Variants in SMTNL2 observed in about 807,000 individuals in gnomAD.
SMTNL2 encodes smoothelin-like protein 2.
In SMTNL2, 43 loss-of-function variants were observed where a neutral mutation model predicts 44.1. The ratio of observed to expected loss-of-function variants is 0.98; its 90% CI spans 0.76 to 1.26. SMTNL2 has a LOEUF of 1.26. Ranked by LOEUF, SMTNL2 falls within the 50% of genes most tolerant of loss-of-function variation. SMTNL2 has a pLI of 0.00. For synonymous variants in SMTNL2, 317 were observed against 287.6 expected (o/e 1.10, Z -1.03); for missense variants, 646 against 670.2 (o/e 0.96, Z 0.40).
At position 4,598,774 on chromosome 17, in the gene SMTNL2, A is replaced by G. The variant is rs1179710550; in HGVS notation, c.1259+1451A>G. Among the ~76,000 whole-genome samples the G allele has an allele frequency of 6.6e-6, 1 of 151,778 alleles. No homozygotes were observed. Among genetic ancestry groups the G allele is most frequent in the African/African-American group, 2.4e-5 (1 of 41,294 alleles). ...AAGAGAAAGAGGTTGCAGTGAGCTG[A>G]GATCGCACCACTGTACTCCAGCCTG... On this transcript the variant is annotated intron_variant, in intron 7 of 7. Coordinates refer to ENST00000389313, the MANE Select transcript of SMTNL2 (RefSeq NM_001114974.2). The surrounding 1 kb of genome is among the most constrained non-coding windows in gnomAD (Gnocchi z 4.8).
rs1305933513 is a variant in SMTNL2 at position 4,607,191 on chromosome 17, G to A, written c.1260-170G>A. ...TTTGGGAAACATTGTATTGGAGTCA[G>A]TGACTCCAAGGGTTCTGCCAGGGTT... is the stretch of plus-strand genomic sequence containing the variant. On this transcript the variant is annotated intron_variant, in intron 7 of 7. Transcript: ENST00000389313. The surrounding 1 kb of genome is among the most constrained non-coding windows in gnomAD (Gnocchi z 4.7). 6.6e-6 allele frequency among the ~76,000 whole-genome samples: 1 copy of A among 152,194 alleles called. No individual in the cohort carries two copies. The highest frequency in any genetic ancestry group is 1.5e-5 in the Non-Finnish European group (1 of 68,042).
At chr17:4,603,987 G>A (rs932468434) in intron 7 of SMTNL2, among the ~76,000 whole-genome samples, 8 of 152,132 alleles carry the variant, frequency 5.3e-5, no homozygotes, top group Non-Finnish European at 8.8e-5. Context: ...TGGGACTGCA[G>A]GCATACGCCA....
Position 4,595,142 on chromosome 17 carries a change from C to T in SMTNL2, c.807-3C>T. On this transcript the variant is annotated splice_polypyrimidine_tract_variant and splice_region_variant and intron_variant, in intron 4 of 7. Transcript: ENST00000389313. This position sits in a 1 kb window ranked among gnomAD's most constrained non-coding sequence, Gnocchi z 5.1. The stretch of plus-strand genomic sequence containing the variant: ...GGTCCCAACTCGGCGATTCTTTCCT[C>T]AGCCCACCGCTGGTGACACCACCCC... 6.2e-7 allele frequency: 1 copy of T among 1,613,172 alleles called. No homozygotes were observed. The highest frequency in any genetic ancestry group is 8.5e-7 in the Non-Finnish European group (1 of 1,179,998).
At chr17:4,588,716 G>A (rs913515953) in intron 1 of SMTNL2, among the ~76,000 whole-genome samples, 1 of 152,194 alleles carries the variant, frequency 6.6e-6, no homozygotes, top group African/African-American at 2.4e-5. Flanking sequence ...GATCCCATGG[G>A]GCCGGGGCTC....
chr17:4,585,395 T>C (rs1597407041), intron 1 of SMTNL2, among the ~76,000 whole-genome samples: 1 of 152,206 alleles, frequency 6.6e-6, no homozygotes, highest in East Asian at 1.9e-4. Flanking sequence ...CCACCCTCCA[T>C]TCACGCTCCC....
Position 4,597,165 on chromosome 17 carries a change from G to A in SMTNL2, c.1108-7G>A, listed in dbSNP as rs1179579779. On this transcript the variant is annotated splice_region_variant and splice_polypyrimidine_tract_variant and intron_variant, in intron 6 of 7. Coordinates refer to ENST00000389313, the MANE Select transcript of SMTNL2 (RefSeq NM_001114974.2). ...CTCCCGCACTGACCCCACTCACCCT[G>A]TTGCAGCACGTGGACCTGCAGAACT... The A allele has an allele frequency of 1.9e-6, 3 of 1,612,586 alleles. No individual in the cohort carries two copies. The highest frequency in any genetic ancestry group is 1.3e-5 in the African/African-American group (1 of 75,036).
rs1909915544 is a variant in SMTNL2 at position 4,598,753 on chromosome 17, GAA to G, written c.1259+1432_1259+1433del. Among the ~76,000 whole-genome samples the G allele has an allele frequency of 6.6e-6, 1 of 151,952 alleles. No homozygotes were observed. Among genetic ancestry groups the G allele is most frequent in the Middle Eastern group, 3.2e-3 (1 of 316 alleles). ...GCAGGAGAATTGTTAGAACCCAAGA[GAA>G]AGAGGTTGCAGTGAGCTGAGATCGC... On this transcript the variant is annotated intron_variant, in intron 7 of 7. Coordinates refer to ENST00000389313, the MANE Select transcript of SMTNL2 (RefSeq NM_001114974.2). The surrounding 1 kb of genome is among the most constrained non-coding windows in gnomAD (Gnocchi z 4.8).
rs1243065681 is a variant in SMTNL2 at position 4,607,754 on chromosome 17, T to C, written c.*267T>C. On this transcript the variant is annotated 3_prime_UTR_variant, in exon 8 of 8. Transcript: ENST00000389313. This position sits in a 1 kb window ranked among gnomAD's most constrained non-coding sequence, Gnocchi z 4.7. ...GAGAGAGAGAGACATTGGTGCTAAG[T>C]AATGATCTTCCTAAAGAAATGCTTG... The C allele has an allele frequency of 7.9e-6, 3 of 379,810 alleles. No individual in the cohort carries two copies. The highest frequency in any genetic ancestry group is 8.9e-5 in the East Asian group (2 of 22,502). 23.5% of individuals were successfully genotyped at this position (379,810 alleles called of 1,614,324 possible).
chr17:4,598,255 G>A lies in SMTNL2; in HGVS notation c.1259+932G>A, dbSNP rs1156789057. 2.6e-4 allele frequency among the ~76,000 whole-genome samples: 39 copies of A among 152,162 alleles called. No individual in the cohort carries two copies. Among genetic ancestry groups the A allele is most frequent in the Admixed American group, 2.6e-3 (39 of 15,284 alleles). ...CTCCTGCCTCACGCCAGGGCCTCAT[G>A]GTGACTGAACCCAATCTGAAGACAG... is the stretch of plus-strand genomic sequence containing the variant. On this transcript the variant is annotated intron_variant, in intron 7 of 7. Transcript: ENST00000389313. This position sits in a 1 kb window ranked among gnomAD's most constrained non-coding sequence, Gnocchi z 4.8.
At chr17:4,594,363 C>T (rs1211891473) in intron 4 of SMTNL2, among the ~76,000 whole-genome samples, 3 of 152,118 alleles carry the variant, frequency 2.0e-5, no homozygotes, top group Admixed American at 6.5e-5. Flanking sequence ...GCAGGAGAAT[C>T]GCTTGAACTC....
chr17:4,593,390 G>A (rs1909665679), intron 3 of SMTNL2, among the ~76,000 whole-genome samples: 2 of 152,256 alleles, frequency 1.3e-5, no homozygotes, highest in Non-Finnish European at 2.9e-5. Flanking sequence ...GGGGGCGACC[G>A]TGGCTTTTAT....
rs1159628156 is a variant in SMTNL2, at chr17:4,593,909, C to T, written c.806+12C>T. Reference sequence around the variant, plus strand: ...AAACACAGCAATAGGTGAGTCAGGGCCTGTGTTCCTGTGGGGTCGCTGCGC... The same window carrying T: ...AAACACAGCAATAGGTGAGTCAGGGTCTGTGTTCCTGTGGGGTCGCTGCGC... On this transcript the variant is annotated intron_variant, in intron 4 of 7. Transcript: ENST00000389313. The T allele has an allele frequency of 1.9e-6, 3 of 1,613,598 alleles. No homozygotes were observed. The highest frequency in any genetic ancestry group is 2.5e-6 in the Non-Finnish European group (3 of 1,179,762).
At position 4,592,202 on chromosome 17, in the gene SMTNL2, G is replaced by A. The variant is rs1240180866; in HGVS notation, c.400-159G>A. 6.6e-6 allele frequency among the ~76,000 whole-genome samples: 1 copy of A among 151,724 alleles called. No individual in the cohort carries two copies. Among genetic ancestry groups the A allele is most frequent in the Non-Finnish European group, 1.5e-5 (1 of 68,000 alleles). On this transcript the variant is annotated intron_variant, in intron 1 of 7. Transcript: ENST00000389313. This position sits in a 1 kb window ranked among gnomAD's most constrained non-coding sequence, Gnocchi z 4.5. ...TTGGAGTGGGGCCATCCCAGCTTTT[G>A]CTGTGTGACTTGGCCCGTCACTTTC...
At chr17:4,591,344 G>C (rs959282860) in intron 1 of SMTNL2, among the ~76,000 whole-genome samples, 3 of 152,256 alleles carry the variant, frequency 2.0e-5, no homozygotes, top group East Asian at 3.8e-4. Context: ...CTGGGCTCGT[G>C]GTGGAGCCCC....
chr17:4,594,061 G>T (rs1225337709), intron 4 of SMTNL2, among the ~76,000 whole-genome samples, 164 bp downstream of exon 4: 1 of 152,146 alleles, frequency 6.6e-6, no homozygotes, highest in African/African-American at 2.4e-5. Flanking sequence ...GGTCTGAGCA[G>T]GGGGAGTGAG....
At chr17:4,591,790 C>G (rs1457087067) in intron 1 of SMTNL2, among the ~76,000 whole-genome samples, 2 of 152,248 alleles carry the variant, frequency 1.3e-5, no homozygotes, top group Non-Finnish European at 2.9e-5. Flanking sequence ...CCTGCCCCAC[C>G]CACTACTACT....
At position 4,598,594 on chromosome 17, in the gene SMTNL2, C is replaced by T. The variant is rs1024283151; in HGVS notation, c.1259+1271C>T. ...ATCCTAGCACTTTGGGAGGCCAAGG[C>T]GGGTGGATTGCCTGAGCTCAGGAGT... On this transcript the variant is annotated intron_variant, in intron 7 of 7. Transcript: ENST00000389313. The surrounding 1 kb of genome is among the most constrained non-coding windows in gnomAD (Gnocchi z 4.8). 6.6e-6 allele frequency among the ~76,000 whole-genome samples: 1 copy of T among 152,134 alleles called. No homozygotes were observed. Among genetic ancestry groups the T allele is most frequent in the African/African-American group, 2.4e-5 (1 of 41,430 alleles).
chr17:4,595,343 C>A lies in SMTNL2; in HGVS notation c.989+16C>A. On this transcript the variant is annotated intron_variant, in intron 5 of 7. Transcript: ENST00000389313. This position sits in a 1 kb window ranked among gnomAD's most constrained non-coding sequence, Gnocchi z 5.1. ...CGGCCGGCAAGTACGGATGCCCACTCACAGACAGGCCCGGCCCCACGGTGT... is the reference window on the plus strand; with the variant it reads ...CGGCCGGCAAGTACGGATGCCCACTAACAGACAGGCCCGGCCCCACGGTGT... The A allele has an allele frequency of 6.2e-7, 1 of 1,609,266 alleles. No homozygotes were observed. The highest frequency in any genetic ancestry group is 1.1e-5 in the South Asian group (1 of 90,704).
chr17:4,597,195 C>T lies in SMTNL2; in HGVS notation c.1131C>T (p.Ser377=). 6.2e-7 allele frequency: 1 copy of T among 1,613,912 alleles called. No homozygotes were observed. Among genetic ancestry groups the T allele is most frequent in the Non-Finnish European group, 8.5e-7 (1 of 1,179,944 alleles). ...AGCACGTGGACCTGCAGAACTTCTCCTCCAGCTGGAGCGACGGCATGGCCT... is the reference window on the plus strand; with the variant it reads ...AGCACGTGGACCTGCAGAACTTCTCTTCCAGCTGGAGCGACGGCATGGCCT... ...GYQHVDLQNF[S]SSWSDGMAFC... The change falls in exon 7 of 8, where the codon TCC becomes TCT. Residue 377 remains serine, a synonymous_variant. Coordinates refer to ENST00000389313, the MANE Select transcript of SMTNL2 (RefSeq NM_001114974.2).
Sources: gnomAD v4.1 joint callset for allele counts (sites outside exome capture counted in the v4.1 genomes callset) on GRCh38, gnomAD v4.1.1 for gene constraint, Gnocchi (gnomAD v3.1) non-coding constraint, MANE v1.5 for transcripts, NCBI Gene and HGNC (gene_info 2026-07-23, HGNC 2026-07-21) for gene names.